The following TUT4 variants were observed in gnomAD, a reference collection of about 807,000 sequenced individuals.
TUT4 encodes the protein terminal uridylyltransferase 4.
In TUT4, 36 loss-of-function variants were observed where a neutral mutation model predicts 192.2. The observed-to-expected ratio is 0.19, with a 90% CI of 0.14 to 0.25. The LOEUF is 0.25. Ranked by LOEUF, TUT4 falls within the 10% of genes least tolerant of loss-of-function variation. The probability of loss-of-function intolerance (pLI) is 1.00; values close to 1 mark genes in which losing one functional copy is unlikely to be tolerated. For missense variants in TUT4, 1,493 were observed against 1,957.2 expected (o/e 0.76, Z 4.47); for synonymous variants, 618 against 666.0 (o/e 0.93, Z 1.11).
intron 14 of TUT4, among the ~76,000 whole-genome samples, chr1:52,471,065 G>A (rs145649781): frequency 1.7e-4 from 23 of 138,004 alleles, no homozygotes; most frequent in African/African-American, 6.6e-4. Context: ...TGCCCGGGCT[G>A]GAGTGCAGTG....
At chr1:52,486,431 T>C (rs1376219149) in intron 9 of TUT4, among the ~76,000 whole-genome samples, 1 of 152,064 alleles carries the variant, frequency 6.6e-6, no homozygotes. Flanking sequence ...CAGAGAATAA[T>C]CAACTGCAAT....
intron 20 of TUT4, among the ~76,000 whole-genome samples, chr1:52,447,384 G>A (rs543417137): frequency 6.6e-6 from 1 of 151,638 alleles, no homozygotes; most frequent in South Asian, 2.1e-4. Flanking sequence ...GGAAAGCAGA[G>A]GTTGCAGTCA....
chr1:52,488,956 C>T lies in TUT4; in HGVS notation c.1468G>A (p.Glu490Lys). 6.2e-7 allele frequency: 1 copy of T among 1,613,842 alleles called. No homozygotes were observed. The highest frequency in any genetic ancestry group is 8.5e-7 in the Non-Finnish European group (1 of 1,179,868). ...TDLLTALGKI[E>K]PVFIPLVLAF... is the part of the protein sequence containing the mutation. ...AACACCAAGGGAATAAAGACAGGTT[C>T]TATTTTGCCAAGGGCAGTAAGTAAA... Residue 490 changes from glutamate (E) to lysine (K), a missense_variant, in exon 9 of 30, where the codon GAA becomes AAA. Glu to Lys is a moderately conservative substitution (Grantham distance 56). This residue lies in a region of TUT4 where 437 missense variants were observed against 577.6 expected (regional missense o/e 0.76). Coordinates refer to ENST00000257177, the MANE Select transcript of TUT4 (RefSeq NM_001009881.3).
At chr1:52,533,127 T>C (rs1489188761) in intron 1 of TUT4, among the ~76,000 whole-genome samples, 3 of 152,202 alleles carry the variant, frequency 2.0e-5, no homozygotes, top group East Asian at 3.9e-4. Context: ...TCCTTGGCCA[T>C]ACTTTTGGTG....
rs1242582195 is a variant in TUT4 at position 52,458,447 on chromosome 1, T to A, written c.3324A>T (p.Arg1108=). Residue 1108 remains arginine, a splice_region_variant and synonymous_variant, in exon 20 of 30, where the codon CGA becomes CGT. Transcript: ENST00000257177. Reference sequence around the variant, plus strand: ...CCCTGGAAGCATCCCCAATGTCACATCGCTAAAAAACAACATGATTGAAAA... The same window carrying A: ...CCCTGGAAGCATCCCCAATGTCACAACGCTAAAAAACAACATGATTGAAAA... ...LGYTMKVFAK[R]CDIGDASRGS... 1.2e-6 allele frequency: 2 copies of A among 1,609,862 alleles called. No homozygotes were observed. Among genetic ancestry groups the A allele is most frequent in the Non-Finnish European group, 1.7e-6 (2 of 1,177,394 alleles).
intron 27 of TUT4, 108 bp downstream of exon 27, chr1:52,435,257 G>T: frequency 1.2e-6 from 1 of 824,866 alleles, no homozygotes; most frequent in Non-Finnish European, 1.9e-6. Context: ...ACAAAGCACT[G>T]TGTAATCTGG....
chr1:52,531,652 A>C (rs1683450024), intron 1 of TUT4, among the ~76,000 whole-genome samples: 1 of 152,158 alleles, frequency 6.6e-6, no homozygotes, highest in Non-Finnish European at 1.5e-5. Context: ...AATACATGAA[A>C]TCCAAAAGAT....
intron 11 of TUT4, 72 bp downstream of exon 11, chr1:52,481,351 A>G (rs1668434964): frequency 6.6e-7 from 1 of 1,504,666 alleles, no homozygotes; most frequent in African/African-American, 1.4e-5. Flanking sequence ...CTACAATTAA[A>G]ATAGCTTCAA....
At chr1:52,521,162 A>G (rs913707454) in intron 2 of TUT4, among the ~76,000 whole-genome samples, 6 of 152,206 alleles carry the variant, frequency 3.9e-5, no homozygotes, top group African/African-American at 9.6e-5. Context: ...GATTAACTCC[A>G]TAAGAGTGGA....
At chr1:52,525,145 G>GT (rs558046105) in intron 2 of TUT4, among the ~76,000 whole-genome samples, 1 of 147,490 alleles carries the variant, frequency 6.8e-6, no homozygotes, top group African/African-American at 2.7e-5. Context: ...AGGGCTATGG[G>GT]TTTTTTTGTT....
intron 11 of TUT4, 106 bp from the exon 12 acceptor site, chr1:52,477,988 A>G (rs1667526368): frequency 1.8e-6 from 2 of 1,093,630 alleles, no homozygotes; most frequent in South Asian, 1.8e-5. Flanking sequence ...AAACTGAGAC[A>G]TGAAGGAGTA....
intron 2 of TUT4, among the ~76,000 whole-genome samples, chr1:52,521,025 C>G (rs1221904738): frequency 6.6e-6 from 1 of 152,004 alleles, no homozygotes; most frequent in Admixed American, 6.6e-5. Context: ...AACTCCTGAC[C>G]TCAGGTGATC....
chr1:52,473,022 C>G (rs1362002818), intron 13 of TUT4, among the ~76,000 whole-genome samples: 1 of 151,872 alleles, frequency 6.6e-6, no homozygotes, highest in Non-Finnish European at 1.5e-5. Context: ...TAAAAAATGA[C>G]ATATTTAGGC....
At chr1:52,517,277 T>C (rs932345040) in intron 2 of TUT4, among the ~76,000 whole-genome samples, 1 of 152,244 alleles carries the variant, frequency 6.6e-6, no homozygotes, top group Non-Finnish European at 1.5e-5. Flanking sequence ...GGTCTTACTT[T>C]TACCTTCAGA....
In TUT4 at chr1:52,425,368, G is replaced by C. The variant is rs766777350; in HGVS notation, c.4851C>G (p.Asn1617Lys). ...MHQGNARFQP[N>K]KPFYTQDRCA... ...TGGTACCTTGAGTATAGAAAGGTTT[G>C]TTGGGCTGGAATCGGGCATTTCCCT... Residue 1617 changes from asparagine to lysine, a missense_variant, in exon 29 of 30, where the codon AAC (asparagine) becomes AAG (lysine). Transcript: ENST00000257177. 1 of 1,613,830 alleles carries C rather than the reference G, an allele frequency of 6.2e-7. No individual in the cohort carries two copies. Among genetic ancestry groups the C allele is most frequent in the Non-Finnish European group, 8.5e-7 (1 of 1,179,838 alleles).
At chr1:52,488,289 G>GC (rs754672373) in intron 9 of TUT4, among the ~76,000 whole-genome samples, 10 of 152,140 alleles carry the variant, frequency 6.6e-5, no homozygotes, top group East Asian at 5.8e-4. Context: ...TACCGATAGG[G>GC]CAGGAATACA....
At chr1:52,537,290 AAC>A (rs375387818) in intron 1 of TUT4, among the ~76,000 whole-genome samples, 2 of 152,232 alleles carry the variant, frequency 1.3e-5, no homozygotes, top group East Asian at 3.9e-4. Context: ...AAAAAATGAA[AAC>A]AGATACTCCA....
chr1:52,550,788 C>T (rs1278622583), intron 1 of TUT4, among the ~76,000 whole-genome samples: 1 of 152,104 alleles, frequency 6.6e-6, no homozygotes. Context: ...AGTGAGCCAC[C>T]TGGCCAGGCC....
At chr1:52,526,398 A>AATC in intron 1 of TUT4, 25 bp from the exon 2 acceptor site, 1 of 984,442 alleles carries the variant, frequency 1.0e-6, no homozygotes, top group Non-Finnish European at 1.3e-6. Context: ...AAAAGAGAAA[A>AATC]ATCTGTTATT....
Sources: allele counts gnomAD v4.1 joint callset (sites outside exome capture counted in the v4.1 genomes callset), GRCh38; gene constraint gnomAD v4.1.1; regional missense constraint gnomAD v4.1.1; transcripts MANE v1.5; gene names NCBI Gene and HGNC (gene_info 2026-07-23, HGNC 2026-07-21).